Variants in PHF14 observed in about 807,000 individuals in gnomAD.
PHF14 encodes PHD finger protein 14.
PHF14 carries 55 observed loss-of-function variants against 117.9 expected under a neutral mutation model. The observed-to-expected ratio is 0.47, with a 90% CI of 0.38 to 0.58. The LOEUF (loss-of-function observed/expected upper bound fraction) is 0.58, where lower values mean the gene tolerates loss of function less well. PHF14 is among the 20% of genes least tolerant of loss of function. The pLI is 0.00. For synonymous variants in PHF14, 409 were observed against 368.6 expected, an observed-to-expected ratio of 1.11 and a Z score of -1.26; for missense variants, 978 against 1,122.2, an observed-to-expected ratio of 0.87 and a Z score of 1.84.
intron 7 of PHF14, among the ~76,000 whole-genome samples, chr7:11,031,829 A>C (rs555091799): frequency 6.6e-6 from 1 of 152,326 alleles, no homozygotes; most frequent in East Asian, 1.9e-4. Context: ...AACTTATGTT[A>C]CTATGTTTTA....
Position 11,037,017 on chromosome 7 carries a change from A to G in PHF14, c.1906A>G (p.Asn636Asp). The G allele has an allele frequency of 6.6e-7, 1 of 1,516,520 alleles. No individual in the cohort carries two copies. The highest frequency in any genetic ancestry group is 9.0e-7 in the Non-Finnish European group (1 of 1,108,422). 93.9% of individuals were successfully genotyped at this position (1,516,520 alleles called of 1,614,324 possible). The change falls in exon 10 of 18, where the codon AAT (asparagine) becomes GAT (aspartate). Residue 636 changes from asparagine to aspartate, a missense_variant. By Grantham distance (23) the Asn-to-Asp change is conservative. Transcript: ENST00000634607. ...TATGCGCATGATTCAAATTCAGGAA[A>G]ATATGGCTGAACAAAAGAATATAAA... ...RNMRMIQIQE[N>D]MAEQKNIKDK...
intron 4 of PHF14, among the ~76,000 whole-genome samples, chr7:11,001,557 G>C (rs1782875566): frequency 6.6e-6 from 1 of 151,964 alleles, no homozygotes; most frequent in Non-Finnish European, 1.5e-5. Context: ...TTAGTTCTTT[G>C]ATTTCTTTCA....
intron 14 of PHF14, among the ~76,000 whole-genome samples, chr7:11,058,678 G>T (rs562256024): frequency 6.6e-6 from 1 of 152,100 alleles, no homozygotes; most frequent in Non-Finnish European, 1.5e-5. Flanking sequence ...TCTTCATTGG[G>T]CATCACAATG....
rs933057770 is a variant in PHF14 at position 11,107,577 on chromosome 7, G to A, written c.2655-3773G>A. On this transcript the variant is annotated intron_variant, in intron 16 of 17. Transcript: ENST00000634607. ...TAAATGATACTTCTTTAAGCATCCA[G>A]TTTTTATTTTATTAAAAAATCTTAG... The A allele has an allele frequency of 4.7e-6, 4 of 844,014 alleles. No individual in the cohort carries two copies. The South Asian group carries it at 2.2e-4, about 46-fold the overall frequency. The allele number at this position is 844,014 out of a possible 1,614,324, so 52.3% of individuals were successfully genotyped here.
At chr7:11,109,771 G>A (rs966494982) in intron 16 of PHF14, 5 of 151,876 alleles carry the variant, frequency 3.3e-5, no homozygotes, top group African/African-American at 1.2e-4. Flanking sequence ...ATTTTTAGAT[G>A]TGTGATATTG....
intron 16 of PHF14, among the ~76,000 whole-genome samples, chr7:11,086,589 A>G (rs1037148238): frequency 3.9e-5 from 6 of 152,176 alleles, no homozygotes; most frequent in Non-Finnish European, 8.8e-5. Context: ...TCCGAAGCCA[A>G]TGCTTATCAC....
chr7:11,074,111 T>C (rs140238557), intron 16 of PHF14, among the ~76,000 whole-genome samples: 1 of 152,236 alleles, frequency 6.6e-6, no homozygotes, highest in Admixed American at 6.5e-5. Context: ...TTGGCTATTA[T>C]CATTTGTCTC....
chr7:10,975,795 C>T (rs1781843054), intron 2 of PHF14, among the ~76,000 whole-genome samples: 1 of 152,136 alleles, frequency 6.6e-6, no homozygotes, highest in South Asian at 2.1e-4. Flanking sequence ...CCAGTTTCAT[C>T]TCTTCAACAG....
At chr7:11,053,026 T>G (rs147746864) in intron 14 of PHF14, among the ~76,000 whole-genome samples, 5 of 152,156 alleles carry the variant, frequency 3.3e-5, no homozygotes, top group African/African-American at 1.2e-4. Flanking sequence ...GGGCATACTT[T>G]CCTTGCTTGA....
intron 4 of PHF14, among the ~76,000 whole-genome samples, chr7:10,991,469 C>T (rs1177265785): frequency 6.6e-6 from 1 of 152,036 alleles, no homozygotes; most frequent in African/African-American, 2.4e-5. Context: ...ACTACCGCGC[C>T]CGGCCAATTT....
At chr7:11,083,328 C>G (rs1419261699) in intron 16 of PHF14, among the ~76,000 whole-genome samples, 1 of 152,110 alleles carries the variant, frequency 6.6e-6, no homozygotes, top group Non-Finnish European at 1.5e-5. Context: ...AGTTTGGAGT[C>G]TTATTCCTCA....
intron 1 of PHF14, among the ~76,000 whole-genome samples, 184 bp downstream of exon 1, chr7:10,974,508 T>G (rs758292820): frequency 1.3e-4 from 20 of 152,190 alleles, no homozygotes; most frequent in Non-Finnish European, 2.9e-4. Context: ...CCGTTTTTAT[T>G]GACTGTTACG....
At chr7:11,057,862 C>G (rs1372974534) in intron 14 of PHF14, among the ~76,000 whole-genome samples, 4 of 137,964 alleles carry the variant, frequency 2.9e-5, no homozygotes. Context: ...TGTTCCCTAG[C>G]TAAATCAAGT....
intron 14 of PHF14, among the ~76,000 whole-genome samples, chr7:11,052,314 G>C (rs1014778475): frequency 6.6e-6 from 1 of 152,150 alleles, no homozygotes; most frequent in African/African-American, 2.4e-5. Context: ...CCATGTAGTT[G>C]TAGTTTATTT....
At chr7:11,051,841 T>C (rs1426544268) in intron 14 of PHF14, 61 bp downstream of exon 14, 2 of 1,391,404 alleles carry the variant, frequency 1.4e-6, no homozygotes, top group Non-Finnish European at 2.0e-6. Flanking sequence ...TTTAAGAGAG[T>C]GAGAAAGACA....
chr7:10,995,562 G>C (rs541016391), intron 4 of PHF14, among the ~76,000 whole-genome samples: 28 of 152,346 alleles, frequency 1.8e-4, no homozygotes, highest in Non-Finnish European at 3.2e-4. Context: ...GCATTCCTCA[G>C]CCCTTGGGTG....
chr7:11,161,237 A>C lies in PHF14; in HGVS notation c.2773-8179A>C, dbSNP rs558781758. 2.0e-5 allele frequency among the ~76,000 whole-genome samples: 3 copies of C among 152,242 alleles called. No individual in the cohort carries two copies. In the East Asian group the frequency reaches 5.8e-4, roughly 29 times the overall value. Reference sequence around the variant, plus strand: ...CTTAATTTTAGGGCCTGAGCAAAAAAAATATTTTTCTCTCAATACAAGTTT... The same window carrying C: ...CTTAATTTTAGGGCCTGAGCAAAAACAATATTTTTCTCTCAATACAAGTTT... On this transcript the variant is annotated intron_variant, in intron 17 of 17. Coordinates refer to ENST00000634607, the MANE Select transcript of PHF14 (RefSeq NM_001007157.2).
chr7:11,103,814 G>A, intron 16 of PHF14: 1 of 983,684 alleles, frequency 1.0e-6, no homozygotes, highest in Non-Finnish European at 1.2e-6. Flanking sequence ...TTTGATAAAA[G>A]TAAAATGTGT....
chr7:11,045,960 C>G lies in PHF14; in HGVS notation c.2312+3146C>G, dbSNP rs143306054. ...TATTTGATTTTTCTTGAATTATGCT[C>G]TGCTGCCCAGGAGAAGGAGAGGGGA... On this transcript the variant is annotated intron_variant, in intron 13 of 17. Coordinates refer to ENST00000634607, the MANE Select transcript of PHF14 (RefSeq NM_001007157.2). Among the ~76,000 whole-genome samples, 47 of 152,240 alleles carry G rather than the reference C, an allele frequency of 3.1e-4. No individual in the cohort carries two copies. The East Asian group carries it at 7.7e-3, about 25-fold the overall frequency.
Sources: gnomAD v4.1 joint callset for allele counts (sites outside exome capture counted in the v4.1 genomes callset) on GRCh38, gnomAD v4.1.1 for gene constraint, MANE v1.5 for transcripts, NCBI Gene and HGNC (gene_info 2026-07-23, HGNC 2026-07-21) for gene names.